Variants in TIAM1 observed in about 807,000 individuals in gnomAD.
TIAM1 encodes rho guanine nucleotide exchange factor TIAM1.
Under a neutral mutation model 163.5 loss-of-function variants are expected in TIAM1, and 65 were observed. That is an observed-to-expected ratio of 0.40 (90% CI 0.33 to 0.49). The LOEUF is 0.49. Ranked by LOEUF, TIAM1 falls within the 20% of genes least tolerant of loss-of-function variation. TIAM1 has a pLI of 0.77. For missense variants in TIAM1, 1,789 were observed against 2,044.7 expected, an observed-to-expected ratio of 0.87 and a Z score of 2.41; for synonymous variants, 833 against 810.1, an observed-to-expected ratio of 1.03 and a Z score of -0.48.
Position 31,120,879 on chromosome 21 carries a change from G to A in TIAM1, c.4307-42C>T. On this transcript the variant is annotated intron_variant, in intron 27 of 27. Coordinates refer to ENST00000541036, the MANE Select transcript of TIAM1 (RefSeq NM_001353694.2). The surrounding 1 kb of genome is among the most constrained non-coding windows in gnomAD (Gnocchi z 4.2). ...AAATATAAAAATAAAACCCCCACAT[G>A]CTTTACGTGAGATGAAAATCCAGAA... The A allele has an allele frequency of 1.3e-6, 2 of 1,514,036 alleles. No homozygotes were observed. Among genetic ancestry groups the A allele is most frequent in the East Asian group, 2.3e-5 (1 of 43,094 alleles). The allele number at this position is 1,514,036 out of a possible 1,614,324, so 93.8% of individuals were successfully genotyped here.
intron 27 of TIAM1, among the ~76,000 whole-genome samples, chr21:31,121,674 C>T (rs2082005968): frequency 6.6e-6 from 1 of 152,120 alleles, no homozygotes; most frequent in South Asian, 2.1e-4. Context: ...AATAAAAAAC[C>T]GATGACATCC....
At chr21:31,319,128 A>T (rs2075220625) in intron 2 of TIAM1, among the ~76,000 whole-genome samples, 1 of 152,152 alleles carries the variant, frequency 6.6e-6, no homozygotes. Flanking sequence ...AGTACAGCAT[A>T]AAGGTTGCCA....
chr21:31,498,993 G>A (rs1015995238), intron 1 of TIAM1, among the ~76,000 whole-genome samples: 6 of 150,372 alleles, frequency 4.0e-5, no homozygotes, highest in Non-Finnish European at 5.9e-5. Flanking sequence ...AGAAGGGAGG[G>A]GAGGGGAGGG....
intron 2 of TIAM1, among the ~76,000 whole-genome samples, chr21:31,298,735 G>GGTGGGTGTGTGTGT (rs2074382965): frequency 1.4e-5 from 2 of 138,482 alleles, no homozygotes; most frequent in Non-Finnish European, 3.1e-5. Flanking sequence ...TCCAATTGAG[G>GGTGGGTGTGTGTGT]GTGTGTGTGT....
intron 19 of TIAM1, among the ~76,000 whole-genome samples, chr21:31,149,978 G>A (rs142388466): frequency 2.0e-5 from 3 of 152,208 alleles, no homozygotes; most frequent in South Asian, 2.1e-4. Context: ...TATTTTATAT[G>A]TACACATAGA....
At chr21:31,443,611 C>T (rs1234558139) in intron 2 of TIAM1, among the ~76,000 whole-genome samples, 1 of 152,172 alleles carries the variant, frequency 6.6e-6, no homozygotes, top group African/African-American at 2.4e-5. Context: ...GAAGTCTCAC[C>T]TGACCCACAA....
chr21:31,168,140 T>C (rs1485807483), intron 15 of TIAM1, among the ~76,000 whole-genome samples: 1 of 151,688 alleles, frequency 6.6e-6, no homozygotes, highest in Non-Finnish European at 1.5e-5. Flanking sequence ...TCGACCAGGC[T>C]GGAGTGCAGT....
chr21:31,127,162 T>C lies in TIAM1; in HGVS notation c.4046-10A>G. 1.9e-6 allele frequency: 3 copies of C among 1,612,732 alleles called. No homozygotes were observed. Among genetic ancestry groups the C allele is most frequent in the Non-Finnish European group, 2.5e-6 (3 of 1,178,844 alleles). On this transcript the variant is annotated splice_polypyrimidine_tract_variant and intron_variant, in intron 25 of 27. Transcript: ENST00000541036. The stretch of plus-strand genomic sequence containing the variant: ...GCATTTGCCTCTGCATCTAAAGAAA[T>C]TAAAACAACAATGAATCAGGGTATG...
At chr21:31,473,408 G>GGACA (rs1314155773) in intron 1 of TIAM1, among the ~76,000 whole-genome samples, 3 of 136,540 alleles carry the variant, frequency 2.2e-5, no homozygotes, top group Non-Finnish European at 3.1e-5. Flanking sequence ...CTAGGCTGGG[G>GGACA]GACAGATCAA....
chr21:31,399,022 A>G (rs1348349836), intron 2 of TIAM1, among the ~76,000 whole-genome samples: 1 of 152,178 alleles, frequency 6.6e-6, no homozygotes, highest in Non-Finnish European at 1.5e-5. Context: ...CTAAAAACAT[A>G]AAATAAATAG....
chr21:31,258,917 G>A (rs1339761154), intron 4 of TIAM1, among the ~76,000 whole-genome samples: 1 of 151,990 alleles, frequency 6.6e-6, no homozygotes, highest in Non-Finnish European at 1.5e-5. Context: ...AAATGACAAT[G>A]TGACAGGCTG....
chr21:31,398,435 A>T (rs2077110071), intron 2 of TIAM1, among the ~76,000 whole-genome samples: 2 of 152,206 alleles, frequency 1.3e-5, no homozygotes, highest in Non-Finnish European at 2.9e-5. Context: ...TAAATAAACC[A>T]CCACATAATT....
chr21:31,556,309 A>G (rs1569431955), intron 1 of TIAM1, among the ~76,000 whole-genome samples: 1 of 152,216 alleles, frequency 6.6e-6, no homozygotes, highest in Non-Finnish European at 1.5e-5. Flanking sequence ...ATAGGGGTTC[A>G]CGGGAGTCAG....
At chr21:31,407,629 A>ATTTTTTTTT (rs562921160) in intron 2 of TIAM1, among the ~76,000 whole-genome samples, 9 of 94,074 alleles carry the variant, frequency 9.6e-5, no homozygotes, top group African/African-American at 2.1e-4. Flanking sequence ...TTTGCTCTTA[A>ATTTTTTTTT]TTTTTTTTTT....
At chr21:31,285,269 G>C (rs925848002) in intron 2 of TIAM1, among the ~76,000 whole-genome samples, 3 of 152,124 alleles carry the variant, frequency 2.0e-5, no homozygotes, top group African/African-American at 4.8e-5. Context: ...AGAGCTTGTG[G>C]GGGGGGCGGT....
At chr21:31,478,144 C>T (rs1026621961) in intron 1 of TIAM1, among the ~76,000 whole-genome samples, 3 of 152,158 alleles carry the variant, frequency 2.0e-5, no homozygotes, top group African/African-American at 7.2e-5. Context: ...AACAGCTATG[C>T]AATTTTAATT....
chr21:31,405,468 C>T (rs917743707), intron 2 of TIAM1, among the ~76,000 whole-genome samples: 10 of 152,182 alleles, frequency 6.6e-5, no homozygotes, highest in Non-Finnish European at 1.3e-4. Flanking sequence ...GCCCACTTCC[C>T]CTGTATTAGT....
intron 10 of TIAM1, among the ~76,000 whole-genome samples, chr21:31,210,756 A>G (rs1454995434): frequency 1.0e-5 from 1 of 99,880 alleles, no homozygotes; most frequent in African/African-American, 4.2e-5. Flanking sequence ...GGGAGAAAGA[A>G]AGAAAGAAAG....
At chr21:31,250,797 G>A (rs2071759854) in intron 5 of TIAM1, among the ~76,000 whole-genome samples, 1 of 152,120 alleles carries the variant, frequency 6.6e-6, no homozygotes, top group South Asian at 2.1e-4. Flanking sequence ...AGGCTACCAG[G>A]ATGTATGCAG....
Sources: gnomAD v4.1 joint callset for allele counts (sites outside exome capture counted in the v4.1 genomes callset) on GRCh38, gnomAD v4.1.1 for gene constraint, Gnocchi (gnomAD v3.1) non-coding constraint, MANE v1.5 for transcripts, NCBI Gene and HGNC (gene_info 2026-07-23, HGNC 2026-07-21) for gene names.